Variants in IQCM observed in about 807,000 individuals in gnomAD.
IQCM encodes the protein IQ motif containing M.
Under a neutral mutation model 57.6 loss-of-function variants are expected in IQCM, and 45 were observed. The observed-to-expected ratio is 0.78, with a 90% CI of 0.62 to 1.00. The LOEUF (loss-of-function observed/expected upper bound fraction) is 1.00, where lower values mean the gene tolerates loss of function less well. IQCM is among the 50% of genes least tolerant of loss of function. The probability of loss-of-function intolerance (pLI) is 0.00; values close to 1 mark genes in which losing one functional copy is unlikely to be tolerated. For synonymous variants in IQCM, 148 were observed against 158.9 expected, an observed-to-expected ratio of 0.93 and a Z score of 0.51; for missense variants, 468 against 511.6, an observed-to-expected ratio of 0.91 and a Z score of 0.82.
chr4:149,791,377 A>G (rs1419195260), intron 2 of IQCM, among the ~76,000 whole-genome samples: 3 of 152,198 alleles, frequency 2.0e-5, no homozygotes, highest in African/African-American at 7.2e-5. Context: ...ATCAAATCCA[A>G]GTAATTAGGA....
At chr4:149,417,235 G>C (rs1733807384) in intron 13 of IQCM, among the ~76,000 whole-genome samples, 1 of 152,102 alleles carries the variant, frequency 6.6e-6, no homozygotes, top group Non-Finnish European at 1.5e-5. Context: ...GACCCCAGTA[G>C]ATCACATGTT....
chr4:149,630,641 C>G (rs1184273978), intron 7 of IQCM, among the ~76,000 whole-genome samples: 1 of 152,044 alleles, frequency 6.6e-6, no homozygotes, highest in Non-Finnish European at 1.5e-5. Context: ...CTATTTTAGC[C>G]AAGGCTTTGA....
At chr4:149,522,864 G>T (rs1348178520) in intron 12 of IQCM, among the ~76,000 whole-genome samples, 1 of 152,026 alleles carries the variant, frequency 6.6e-6, no homozygotes, top group East Asian at 1.9e-4. Flanking sequence ...CACAAAATAG[G>T]TATATCCTGG....
chr4:149,686,320 A>G, intron 6 of IQCM, 58 bp downstream of exon 6: 2 of 800,148 alleles, frequency 2.5e-6, no homozygotes, highest in Non-Finnish European at 3.4e-6. Context: ...TGGTCAGGGA[A>G]TATTGGCAAA....
At chr4:149,440,225 C>T (rs548710578) in intron 12 of IQCM, among the ~76,000 whole-genome samples, 90 of 148,472 alleles carry the variant, frequency 6.1e-4, no homozygotes, top group Non-Finnish European at 1.2e-3. Context: ...CCTTGACCTT[C>T]CAAAATGCTG....
At chr4:149,609,715 C>T (rs768609878) in intron 8 of IQCM, among the ~76,000 whole-genome samples, 9 of 151,598 alleles carry the variant, frequency 5.9e-5, no homozygotes, top group Admixed American at 1.3e-4. Context: ...TCAACAAACT[C>T]GGTATAGGGG....
intron 13 of IQCM, among the ~76,000 whole-genome samples, chr4:149,417,175 T>G (rs972370050): frequency 6.6e-6 from 1 of 152,162 alleles, no homozygotes; most frequent in Non-Finnish European, 1.5e-5. Context: ...AATTCAAGAT[T>G]GCAAAGTTGC....
intron 12 of IQCM, among the ~76,000 whole-genome samples, chr4:149,497,733 A>G (rs1206428883): frequency 7.0e-6 from 1 of 143,306 alleles, no homozygotes; most frequent in East Asian, 2.1e-4. Flanking sequence ...TAATGTTGAA[A>G]TTGTATTTCA....
At chr4:149,588,397 C>T (rs771465197) in intron 8 of IQCM, among the ~76,000 whole-genome samples, 27 of 151,586 alleles carry the variant, frequency 1.8e-4, no homozygotes, top group Non-Finnish European at 3.5e-4. Context: ...AAAAATAATG[C>T]CAAATATGCT....
chr4:149,585,963 A>G (rs1752608071), intron 9 of IQCM, among the ~76,000 whole-genome samples: 1 of 151,710 alleles, frequency 6.6e-6, no homozygotes, highest in Non-Finnish European at 1.5e-5. Flanking sequence ...GACTATACAG[A>G]AAAATGTTTA....
At chr4:149,465,758 AGTTG>A (rs1738794024) in intron 12 of IQCM, among the ~76,000 whole-genome samples, 1 of 151,382 alleles carries the variant, frequency 6.6e-6, no homozygotes, top group Admixed American at 6.6e-5. Context: ...TTTTGTTTCT[AGTTG>A]GCCATGTATT....
intron 13 of IQCM, among the ~76,000 whole-genome samples, chr4:149,428,306 T>C (rs1262918687): frequency 6.6e-6 from 1 of 151,710 alleles, no homozygotes; most frequent in Non-Finnish European, 1.5e-5. Context: ...TTAAAAAAAA[T>C]AAGCAGAACT....
At chr4:149,712,828 A>G (rs991086431) in intron 5 of IQCM, among the ~76,000 whole-genome samples, 2 of 152,190 alleles carry the variant, frequency 1.3e-5, no homozygotes, top group Non-Finnish European at 2.9e-5. Flanking sequence ...CCTGGAGTAG[A>G]GGACTATAAT....
intron 13 of IQCM, among the ~76,000 whole-genome samples, chr4:149,392,226 T>C (rs190687350): frequency 6.6e-6 from 1 of 152,062 alleles, no homozygotes; most frequent in East Asian, 1.9e-4. Flanking sequence ...GTTTTACAAA[T>C]TTGAAATCAA....
chr4:149,795,965 G>C (rs549495237), intron 2 of IQCM, among the ~76,000 whole-genome samples: 1 of 152,200 alleles, frequency 6.6e-6, no homozygotes, highest in Admixed American at 6.5e-5. Context: ...GAGACTCTGA[G>C]ACTTGCTGGC....
At chr4:149,643,716 G>A (rs986290345) in intron 7 of IQCM, among the ~76,000 whole-genome samples, 2 of 152,120 alleles carry the variant, frequency 1.3e-5, no homozygotes, top group African/African-American at 4.8e-5. Flanking sequence ...AGAGAGGCTT[G>A]TCAGTCAGGA....
At chr4:149,626,267 G>C (rs1579755013) in intron 7 of IQCM, among the ~76,000 whole-genome samples, 1 of 151,686 alleles carries the variant, frequency 6.6e-6, no homozygotes, top group African/African-American at 2.4e-5. Flanking sequence ...TCCTGCCCTC[G>C]AACATCAGAC....
chr4:149,780,500 G>A (rs766965281), intron 2 of IQCM, among the ~76,000 whole-genome samples: 12 of 151,394 alleles, frequency 7.9e-5, no homozygotes, highest in Non-Finnish European at 1.5e-4. Context: ...GAAATCCTTA[G>A]CCTTAATGAA....
intron 2 of IQCM, among the ~76,000 whole-genome samples, chr4:149,749,389 C>T (rs1225124584): frequency 6.6e-6 from 1 of 152,166 alleles, no homozygotes; most frequent in Non-Finnish European, 1.5e-5. Flanking sequence ...TATTCAAAGA[C>T]ATAGTATATT....
Sources: allele counts gnomAD v4.1 joint callset (sites outside exome capture counted in the v4.1 genomes callset), GRCh38; gene constraint gnomAD v4.1.1; transcripts MANE v1.5; gene names NCBI Gene and HGNC (gene_info 2026-07-23, HGNC 2026-07-21).